LMO3: variants seen among roughly 807,000 people sequenced by gnomAD.
LMO3 encodes the protein LIM domain only protein 3.
In LMO3, 2 loss-of-function variants were observed where a neutral mutation model predicts 15.8. The ratio of observed to expected loss-of-function variants is 0.13; its 90% CI spans 0.05 to 0.40. The LOEUF is 0.40. Among genes scored for constraint, LMO3 ranks in the 10% least tolerant of loss-of-function variants. The pLI is 0.99. For missense variants in LMO3, 86 were observed against 182.2 expected, an observed-to-expected ratio of 0.47 and a Z score of 3.04; for synonymous variants, 62 against 63.8, an observed-to-expected ratio of 0.97 and a Z score of 0.13.
intron 2 of LMO3, among the ~76,000 whole-genome samples, chr12:16,566,332 T>C (rs1326893086): frequency 1.3e-5 from 2 of 151,874 alleles, no homozygotes; most frequent in Non-Finnish European, 2.9e-5. Context: ...TGTTCTGTTA[T>C]TGCACAGTAG....
At chr12:16,570,480 A>G (rs901463370) in intron 2 of LMO3, among the ~76,000 whole-genome samples, 2 of 152,164 alleles carry the variant, frequency 1.3e-5, no homozygotes, top group African/African-American at 4.8e-5. Flanking sequence ...AAGAAAATGA[A>G]AAGAAGCATT....
At position 16,575,585 on chromosome 12, in the gene LMO3, T is replaced by C. The variant is rs113364635; in HGVS notation, c.207-15047A>G. ...CCTCAGGACAACTGAATGAGGCAGGTTTATTCATCCATTTTATGGATGAGG... is the reference window on the plus strand; with the variant it reads ...CCTCAGGACAACTGAATGAGGCAGGCTTATTCATCCATTTTATGGATGAGG... On this transcript the variant is annotated intron_variant, in intron 2 of 3. Transcript: ENST00000537304. Among the ~76,000 whole-genome samples, 952 of 152,186 alleles carry C rather than the reference T, an allele frequency of 6.3e-3. 4 individuals carry two copies. Among genetic ancestry groups the C allele is most frequent in the Non-Finnish European group, 0.01 (694 of 67,986 alleles).
upstream of LMO3, chr12:16,609,757 C>T (rs1944090121): frequency 6.6e-6 from 1 of 152,098 alleles, no homozygotes; most frequent in African/African-American, 2.4e-5. Flanking sequence ...AGATCTCCCA[C>T]AAGAAAATAG....
chr12:16,607,881 T>C (rs1253207487), upstream of LMO3: 1 of 152,038 alleles, frequency 6.6e-6, no homozygotes, highest in Non-Finnish European at 1.5e-5. Flanking sequence ...CATAATAAAA[T>C]AGCCTGTGGT....
rs746428587 is a variant in LMO3, at chr12:16,551,261, T to C, written c.399A>G (p.Glu133=). The C allele has an allele frequency of 6.2e-7, 1 of 1,612,994 alleles. No homozygotes were observed. Among genetic ancestry groups the C allele is most frequent in the Non-Finnish European group, 8.5e-7 (1 of 1,179,122 alleles). Residue 133 remains glutamate, a synonymous_variant, in exon 4 of 4, where the codon GAA becomes GAG. Coordinates refer to ENST00000537304, the MANE Select transcript of LMO3 (RefSeq NM_018640.5). Reference sequence around the variant, plus strand: ...GTGCATAACCTTCTTTCATTAAACCTTCCTCGTAGTCCGTCTGGCAAAGGA... The same window carrying C: ...GTGCATAACCTTCTTTCATTAAACCCTCCTCGTAGTCCGTCTGGCAAAGGA... ...NMILCQTDYE[E]GLMKEGYAPQ... is the part of the protein sequence containing the mutation.
At chr12:16,564,144 T>G (rs575919888) in intron 2 of LMO3, among the ~76,000 whole-genome samples, 3 of 152,322 alleles carry the variant, frequency 2.0e-5, no homozygotes, top group African/African-American at 7.2e-5. Context: ...TACCTCATTT[T>G]GTCTATCTAA....
chr12:16,591,721 G>A lies in LMO3; in HGVS notation c.206+8934C>T, dbSNP rs2137627706. Among the ~76,000 whole-genome samples the A allele has an allele frequency of 6.6e-6, 1 of 152,112 alleles. No individual in the cohort carries two copies. The highest frequency in any genetic ancestry group is 2.4e-5 in the African/African-American group (1 of 41,532). ...TTACTGATATCTGTGATAAGAGATG[G>A]AACAATACAAATAGCATGAAAGTTA... On this transcript the variant is annotated intron_variant, in intron 2 of 3. Transcript: ENST00000537304. The surrounding 1 kb of genome is among the most constrained non-coding windows in gnomAD (Gnocchi z 4.1).
intron 2 of LMO3, 172 bp downstream of exon 2, chr12:16,600,483 T>C (rs1004727232): frequency 3.8e-5 from 23 of 611,080 alleles, no homozygotes; most frequent in Non-Finnish European, 5.8e-5. Context: ...GGCTATTCCT[T>C]AAGCATTAAT....
intron 2 of LMO3, among the ~76,000 whole-genome samples, chr12:16,592,352 T>A (rs1943520820): frequency 6.6e-6 from 1 of 152,026 alleles, no homozygotes; most frequent in African/African-American, 2.4e-5. Context: ...TAATAAATGG[T>A]CACAGAAAAT....
At chr12:16,605,747 T>C (rs1208717315) in intron 1 of LMO3, 6 of 1,534,102 alleles carry the variant, frequency 3.9e-6, no homozygotes, top group African/African-American at 1.4e-5. Context: ...GAACTTTGAC[T>C]ATTATCCACT....
Position 16,591,092 on chromosome 12 carries a change from G to A in LMO3, c.206+9563C>T, listed in dbSNP as rs944971137. ...TTGAAGTATTATCACTTTTCTAGGG[G>A]ACATTTAGAAATGTATACGGGGCAT... On this transcript the variant is annotated intron_variant, in intron 2 of 3. Coordinates refer to ENST00000537304, the MANE Select transcript of LMO3 (RefSeq NM_018640.5). The surrounding 1 kb of genome is among the most constrained non-coding windows in gnomAD (Gnocchi z 4.1). Among the ~76,000 whole-genome samples, 17 of 151,972 alleles carry A rather than the reference G, an allele frequency of 1.1e-4. No homozygotes were observed. Among genetic ancestry groups the A allele is most frequent in the South Asian group, 2.1e-4 (1 of 4,826 alleles).
chr12:16,556,649 T>C (rs1942201809), intron 3 of LMO3, among the ~76,000 whole-genome samples: 1 of 152,202 alleles, frequency 6.6e-6, no homozygotes, highest in Non-Finnish European at 1.5e-5. Context: ...AAGTGCAATA[T>C]TGCGACAATG....
rs1384900995 is a variant in LMO3, at chr12:16,549,097, C to T, written c.*2125G>A. Reference sequence around the variant, plus strand: ...TAAGATCCTGACAATTATAATTTTACATCCATGTGAATTTCAAGCAATTGT... The same window carrying T: ...TAAGATCCTGACAATTATAATTTTATATCCATGTGAATTTCAAGCAATTGT... On this transcript the variant is annotated 3_prime_UTR_variant, in exon 4 of 4. Coordinates refer to ENST00000537304, the MANE Select transcript of LMO3 (RefSeq NM_018640.5). 2 of 152,176 alleles carry T rather than the reference C, an allele frequency of 1.3e-5. No homozygotes were observed. Among genetic ancestry groups the T allele is most frequent in the African/African-American group, 4.8e-5 (2 of 41,530 alleles). 9.4% of individuals were successfully genotyped at this position (152,176 alleles called of 1,614,324 possible). A position where few individuals can be genotyped will look rare whatever the true frequency, so the allele number is the denominator to read the frequency against.
Position 16,591,153 on chromosome 12 carries a change from C to T in LMO3, c.206+9502G>A, listed in dbSNP as rs1012984548. 6.6e-6 allele frequency among the ~76,000 whole-genome samples: 1 copy of T among 151,974 alleles called. No homozygotes were observed. Among genetic ancestry groups the T allele is most frequent in the Admixed American group, 6.6e-5 (1 of 15,236 alleles). On this transcript the variant is annotated intron_variant, in intron 2 of 3. Coordinates refer to ENST00000537304, the MANE Select transcript of LMO3 (RefSeq NM_018640.5). This position sits in a 1 kb window ranked among gnomAD's most constrained non-coding sequence, Gnocchi z 4.1. ...AACAGTGATAGGTGGTACCATAGAC[C>T]TACACAGTGACTACCCCTTATTCTT...
intron 2 of LMO3, among the ~76,000 whole-genome samples, chr12:16,566,030 ATATATAT>A: frequency 1.2e-5 from 1 of 82,120 alleles, no homozygotes; most frequent in Admixed American, 1.2e-4. Context: ...ATATATATAT[ATATATAT>A]ATAAAATGGA....
At chr12:16,581,860 G>A (rs932107692) in intron 2 of LMO3, among the ~76,000 whole-genome samples, 1 of 151,866 alleles carries the variant, frequency 6.6e-6, no homozygotes, top group Non-Finnish European at 1.5e-5. Context: ...TTTTGGCATA[G>A]AATAAAACTA....
chr12:16,588,233 A>G (rs1943381573), intron 2 of LMO3, among the ~76,000 whole-genome samples: 1 of 151,962 alleles, frequency 6.6e-6, no homozygotes. Flanking sequence ...TAAAGTATTT[A>G]CAATTTATAA....
intron 2 of LMO3, among the ~76,000 whole-genome samples, chr12:16,562,860 A>T (rs912580059): frequency 2.0e-5 from 3 of 152,242 alleles, no homozygotes; most frequent in Non-Finnish European, 2.9e-5. Flanking sequence ...CACTGCTACC[A>T]GTGTACTTTC....
intron 2 of LMO3, among the ~76,000 whole-genome samples, chr12:16,577,769 C>T (rs1403977010): frequency 6.6e-6 from 1 of 152,162 alleles, no homozygotes; most frequent in Non-Finnish European, 1.5e-5. Context: ...ATGGCTCCAT[C>T]TCACCAACAT....
Sources: gnomAD v4.1 joint callset for allele counts (sites outside exome capture counted in the v4.1 genomes callset) on GRCh38, gnomAD v4.1.1 for gene constraint, Gnocchi (gnomAD v3.1) non-coding constraint, MANE v1.5 for transcripts, NCBI Gene and HGNC (gene_info 2026-07-23, HGNC 2026-07-21) for gene names.